Variants in DLGAP2 observed in about 807,000 individuals in gnomAD.
DLGAP2 encodes the protein disks large-associated protein 2.
DLGAP2 carries 26 observed loss-of-function variants against 100.3 expected under a neutral mutation model. That is an observed-to-expected ratio of 0.26 (90% CI 0.19 to 0.36). The LOEUF (loss-of-function observed/expected upper bound fraction) is 0.36. DLGAP2 is among the 10% of genes least tolerant of loss of function. The pLI, the probability that DLGAP2 is intolerant of heterozygous loss-of-function variation, is 1.00. For synonymous variants in DLGAP2, 886 were observed against 630.1 expected, an observed-to-expected ratio of 1.41 and a Z score of -6.08; for missense variants, 1,858 against 1,453.2, an observed-to-expected ratio of 1.28 and a Z score of -4.53.
At position 758,539 on chromosome 8, in the gene DLGAP2, G is replaced by A. The variant is rs1441140262; in HGVS notation, c.18+20714G>A. Among the ~76,000 whole-genome samples, 5 of 152,212 alleles carry A rather than the reference G, an allele frequency of 3.3e-5. No homozygotes were observed. In the East Asian group the frequency reaches 5.8e-4, roughly 18 times the overall value. Reference sequence around the variant, plus strand: ...TCCCAAGGTGCCCGGGAGAATCACCGTTAGTCACTGTTAAAGACTTCCTTT... The same window carrying A: ...TCCCAAGGTGCCCGGGAGAATCACCATTAGTCACTGTTAAAGACTTCCTTT... On this transcript the variant is annotated intron_variant, in intron 1 of 14. Coordinates refer to ENST00000637795, the MANE Select transcript of DLGAP2 (RefSeq NM_001346810.2).
chr8:1,300,259 A>ATG (rs1800300700), intron 3 of DLGAP2: 3 of 151,182 alleles, frequency 2.0e-5, no homozygotes, highest in Admixed American at 1.3e-4. Context: ...GCACTCACAT[A>ATG]TATATATACA....
chr8:1,548,763 C>T lies in DLGAP2; in HGVS notation c.310C>T (p.Pro104Ser), dbSNP rs1269015979. The T allele has an allele frequency of 6.2e-7, 1 of 1,600,572 alleles. No homozygotes were observed. Among genetic ancestry groups the T allele is most frequent in the Non-Finnish European group, 8.5e-7 (1 of 1,175,714 alleles). Residue 104 changes from proline (P) to serine (S), a missense_variant, in exon 5 of 15, where the codon CCG (proline) becomes TCG (serine). Physicochemically the swap from Pro to Ser is moderately conservative, Grantham distance 74. Coordinates refer to ENST00000637795, the MANE Select transcript of DLGAP2 (RefSeq NM_001346810.2). ...CSGHTCGLAP[P>S]EDCEHLHHGP... ...CGGGCACACGTGTGGTCTGGCGCCC[C>T]CGGAGGACTGCGAGCACCTGCACCA...
rs1245537713 is a variant in DLGAP2 at position 871,679 on chromosome 8, T to G, written c.19-36233T>G. On this transcript the variant is annotated intron_variant, in intron 1 of 14. Transcript: ENST00000637795. Reference sequence around the variant, plus strand: ...GATTTGAGACATTCAACCAGATAAGTATAGTCCATATCTTCCAAAATATGA... The same window carrying G: ...GATTTGAGACATTCAACCAGATAAGGATAGTCCATATCTTCCAAAATATGA... Among the ~76,000 whole-genome samples, 2 of 152,120 alleles carry G rather than the reference T, an allele frequency of 1.3e-5. 1 individual carries two copies.
chr8:1,174,458 ATCG>A (rs1385073507), intron 2 of DLGAP2, among the ~76,000 whole-genome samples: 3 of 151,280 alleles, frequency 2.0e-5, no homozygotes, highest in Non-Finnish European at 4.4e-5. Context: ...CAAAATCATT[ATCG>A]TCATCATTAC....
chr8:1,142,108 C>G (rs1018616769), intron 2 of DLGAP2, among the ~76,000 whole-genome samples: 1 of 151,094 alleles, frequency 6.6e-6, no homozygotes, highest in African/African-American at 2.4e-5. Context: ...CCATTTTAGA[C>G]AATCGTTTTT....
Position 1,125,917 on chromosome 8 carries a change from G to A in DLGAP2, c.74-132934G>A, listed in dbSNP as rs182897027. Among the ~76,000 whole-genome samples, 9 of 152,326 alleles carry A rather than the reference G, an allele frequency of 5.9e-5. 1 individual carries two copies. The highest frequency in any genetic ancestry group is 3.9e-4 in the Admixed American group (6 of 15,300). On this transcript the variant is annotated intron_variant, in intron 2 of 14. Coordinates refer to ENST00000637795, the MANE Select transcript of DLGAP2 (RefSeq NM_001346810.2). ...TGTGGGAGTTGAAGAAGGACCCAGC[G>A]AGCTTGGCATTGGCATTGAGAATCC... is the stretch of plus-strand genomic sequence containing the variant.
Position 879,083 on chromosome 8 carries a change from A to G in DLGAP2, c.19-28829A>G, listed in dbSNP as rs146417258. On this transcript the variant is annotated intron_variant, in intron 1 of 14. Coordinates refer to ENST00000637795, the MANE Select transcript of DLGAP2 (RefSeq NM_001346810.2). The stretch of plus-strand genomic sequence containing the variant: ...TGTGTGAAAGCAACTTGATTACATT[A>G]TGTTCTTTATTTTTATTTTTTACAT... Among the ~76,000 whole-genome samples, 6 of 152,288 alleles carry G rather than the reference A, an allele frequency of 3.9e-5. No homozygotes were observed. The East Asian group carries it at 1.2e-3, about 29-fold the overall frequency.
intron 1 of DLGAP2, among the ~76,000 whole-genome samples, chr8:907,072 G>C (rs1798396124): frequency 1.3e-5 from 2 of 152,144 alleles, no homozygotes; most frequent in African/African-American, 2.4e-5. Flanking sequence ...AGTCGATCGA[G>C]GGCAAACGTA....
At chr8:904,269 C>T (rs556918535) in intron 1 of DLGAP2, among the ~76,000 whole-genome samples, 1 of 152,180 alleles carries the variant, frequency 6.6e-6, no homozygotes, top group Admixed American at 6.5e-5. Flanking sequence ...CCTGTAATCC[C>T]AGCACTTTGG....
chr8:1,306,267 A>C (rs1017334329), intron 3 of DLGAP2, among the ~76,000 whole-genome samples: 7 of 152,160 alleles, frequency 4.6e-5, no homozygotes, highest in African/African-American at 1.7e-4. Context: ...ATTAACACAC[A>C]AAAATCACTA....
intron 1 of DLGAP2, chr8:753,864 G>T (rs1345701286): frequency 6.6e-6 from 1 of 152,242 alleles, no homozygotes; most frequent in Non-Finnish European, 1.5e-5. Context: ...CCGCCGTGGG[G>T]TCGGCCGTTT....
intron 2 of DLGAP2, among the ~76,000 whole-genome samples, chr8:935,671 G>T (rs921536639): frequency 6.6e-6 from 1 of 152,054 alleles, no homozygotes; most frequent in Admixed American, 6.6e-5. Flanking sequence ...TCTGTCATCC[G>T]TCGTGTCTAA....
intron 2 of DLGAP2, among the ~76,000 whole-genome samples, chr8:1,010,145 A>G (rs1458621108): frequency 6.6e-5 from 10 of 152,266 alleles, no homozygotes; most frequent in Non-Finnish European, 1.5e-4. Context: ...ACTTAACTAC[A>G]TATATGCACA....
At chr8:1,176,983 G>T (rs1375609526) in intron 2 of DLGAP2, among the ~76,000 whole-genome samples, 1 of 152,186 alleles carries the variant, frequency 6.6e-6, no homozygotes, top group East Asian at 1.9e-4. Flanking sequence ...CACAAGCGGT[G>T]GCCAGGCTCT....
At chr8:1,542,162 T>C (rs953250154) in intron 4 of DLGAP2, among the ~76,000 whole-genome samples, 1 of 152,236 alleles carries the variant, frequency 6.6e-6, no homozygotes, top group Admixed American at 6.5e-5. Context: ...AGAAAAATTT[T>C]AAGTGAAGTG....
chr8:1,499,022 C>A (rs1799627270), intron 3 of DLGAP2, among the ~76,000 whole-genome samples: 1 of 152,228 alleles, frequency 6.6e-6, no homozygotes, highest in Non-Finnish European at 1.5e-5. Context: ...GTTCTCTCAT[C>A]TGATAAACAG....
intron 5 of DLGAP2, among the ~76,000 whole-genome samples, chr8:1,551,235 A>T (rs1307575901): frequency 6.6e-6 from 1 of 152,202 alleles, no homozygotes; most frequent in Non-Finnish European, 1.5e-5. Context: ...ATCATATCCA[A>T]ATGTAAAAGT....
At chr8:801,766 T>C (rs1796157026) in intron 1 of DLGAP2, among the ~76,000 whole-genome samples, 1 of 152,142 alleles carries the variant, frequency 6.6e-6, no homozygotes, top group South Asian at 2.1e-4. Context: ...ACGTTCACAA[T>C]AGGCTGTTTC....
chr8:1,105,405 A>G (rs1390827990), intron 2 of DLGAP2, among the ~76,000 whole-genome samples: 2 of 152,154 alleles, frequency 1.3e-5, no homozygotes, highest in Non-Finnish European at 2.9e-5. Flanking sequence ...CCGCATTCTC[A>G]CCAGCACCTG....
Sources: gnomAD v4.1 joint callset for allele counts (sites outside exome capture counted in the v4.1 genomes callset) on GRCh38, gnomAD v4.1.1 for gene constraint, MANE v1.5 for transcripts, NCBI Gene and HGNC (gene_info 2026-07-23, HGNC 2026-07-21) for gene names.